L3MBTL4: variants seen among roughly 807,000 people sequenced by gnomAD.
L3MBTL4 encodes L3MBTL histone methyl-lysine binding protein 4, also known as lethal(3)malignant brain tumor-like protein 4.
L3MBTL4 carries 70 observed loss-of-function variants against 84.5 expected under a neutral mutation model. The observed-to-expected ratio is 0.83, with a 90% CI of 0.68 to 1.01. The LOEUF (loss-of-function observed/expected upper bound fraction) is 1.01. Ranked by LOEUF, L3MBTL4 falls within the 50% of genes least tolerant of loss-of-function variation. L3MBTL4 has a pLI of 0.00. For synonymous variants in L3MBTL4, 274 were observed against 259.8 expected (o/e 1.05, Z -0.52); for missense variants, 715 against 754.8 (o/e 0.95, Z 0.62).
chr18:6,136,645 G>A (rs1212253675), intron 14 of L3MBTL4, among the ~76,000 whole-genome samples: 1 of 152,102 alleles, frequency 6.6e-6, no homozygotes, highest in African/African-American at 2.4e-5. Context: ...CACCTACATA[G>A]AGTGTACCAA....
chr18:5,969,043 G>A (rs1477215397), intron 17 of L3MBTL4, among the ~76,000 whole-genome samples: 1 of 152,094 alleles, frequency 6.6e-6, no homozygotes, highest in African/African-American at 2.4e-5. Flanking sequence ...AGCCTCAGAT[G>A]CTTGCACATT....
At chr18:6,405,417 G>GCTC (rs970277768) in intron 1 of L3MBTL4, among the ~76,000 whole-genome samples, 59 of 152,368 alleles carry the variant, frequency 3.9e-4, no homozygotes, top group African/African-American at 1.2e-3. Flanking sequence ...TGCACAAACA[G>GCTC]CTCCTGATGT....
At chr18:6,395,027 C>T (rs1201562075) in intron 1 of L3MBTL4, 2 of 152,120 alleles carry the variant, frequency 1.3e-5, no homozygotes, top group Non-Finnish European at 2.9e-5. Flanking sequence ...TCCCCAATAT[C>T]TTGTTCCGTT....
chr18:6,146,523 C>G (rs570988466), intron 13 of L3MBTL4, among the ~76,000 whole-genome samples: 177 of 152,302 alleles, frequency 1.2e-3, no homozygotes, highest in African/African-American at 4.2e-3. Flanking sequence ...CTGGGTTTCG[C>G]AAAGTGCCAG....
At chr18:6,270,812 C>G (rs529072765) in intron 4 of L3MBTL4, among the ~76,000 whole-genome samples, 9 of 152,316 alleles carry the variant, frequency 5.9e-5, no homozygotes, top group African/African-American at 2.2e-4. Context: ...CAAAGTTGGC[C>G]TAGCAGGTTT....
rs751773794 is a variant in L3MBTL4, at chr18:6,093,445, T to C, written c.1283A>G (p.Asn428Ser). 35 of 1,613,986 alleles carry C rather than the reference T, an allele frequency of 2.2e-5. No individual in the cohort carries two copies. The East Asian group carries it at 7.6e-4, about 35-fold the overall frequency. Residue 428 changes from asparagine to serine, a missense_variant, in exon 15 of 19, where the codon AAT becomes AGT. Asn to Ser is a conservative substitution (Grantham distance 46). Transcript: ENST00000317931. ...TGAATGTGAAGAGTCTGATTCCAAATTTGCCTGTGTTTGTTCTCTCAAACG... is the reference window on the plus strand; with the variant it reads ...TGAATGTGAAGAGTCTGATTCCAAACTTGCCTGTGTTTGTTCTCTCAAACG... The part of the protein sequence containing the change: ...HDRLREQTQA[N>S]LESDSSHSKS...
intron 16 of L3MBTL4, among the ~76,000 whole-genome samples, chr18:5,989,962 T>C (rs2053617772): frequency 6.6e-6 from 1 of 152,162 alleles, no homozygotes; most frequent in Non-Finnish European, 1.5e-5. Flanking sequence ...CCTTATACTC[T>C]GGTTGGGGGC....
chr18:6,069,116 C>A (rs1024212345), intron 16 of L3MBTL4, among the ~76,000 whole-genome samples: 60 of 152,344 alleles, frequency 3.9e-4, no homozygotes, highest in African/African-American at 1.4e-3. Context: ...GATGGCAGGG[C>A]AGTTACATAC....
intron 16 of L3MBTL4, among the ~76,000 whole-genome samples, chr18:6,034,753 C>G (rs1322042336): frequency 6.6e-6 from 1 of 152,050 alleles, no homozygotes; most frequent in Non-Finnish European, 1.5e-5. Flanking sequence ...AACTAGTTTA[C>G]AGTCCCACCA....
At chr18:6,016,399 T>A (rs946222559) in intron 16 of L3MBTL4, among the ~76,000 whole-genome samples, 19 of 152,348 alleles carry the variant, frequency 1.2e-4, no homozygotes, top group Middle Eastern at 3.4e-3. Context: ...CTTTAATTTC[T>A]CTGAAAGCAA....
chr18:5,998,038 CA>C (rs2054056071), intron 16 of L3MBTL4, among the ~76,000 whole-genome samples: 1 of 152,176 alleles, frequency 6.6e-6, no homozygotes, highest in Non-Finnish European at 1.5e-5. Context: ...CTACCTACAA[CA>C]AACCAAACTA....
intron 1 of L3MBTL4, among the ~76,000 whole-genome samples, chr18:6,330,081 A>G (rs545869101): frequency 6.6e-6 from 1 of 152,310 alleles, no homozygotes; most frequent in African/African-American, 2.4e-5. Flanking sequence ...TATTTGAGTA[A>G]TTTCTAGCTT....
At chr18:6,006,168 C>T (rs901569796) in intron 16 of L3MBTL4, among the ~76,000 whole-genome samples, 2 of 152,144 alleles carry the variant, frequency 1.3e-5, no homozygotes, top group African/African-American at 4.8e-5. Flanking sequence ...CCCATTAGTG[C>T]TTCTGGAGGA....
At chr18:6,412,419 C>T (rs1203507626) in intron 1 of L3MBTL4, among the ~76,000 whole-genome samples, 2 of 152,090 alleles carry the variant, frequency 1.3e-5, no homozygotes, top group Non-Finnish European at 1.5e-5. Flanking sequence ...GACCCTCCTT[C>T]GGCTCTCTGG....
At chr18:6,263,863 G>T in intron 5 of L3MBTL4, 84 bp downstream of exon 5, 1 of 894,390 alleles carries the variant, frequency 1.1e-6, no homozygotes, top group Non-Finnish European at 1.9e-6. Flanking sequence ...TAAGTTGATG[G>T]GCTATCTAGG....
intron 17 of L3MBTL4, among the ~76,000 whole-genome samples, chr18:5,967,666 G>A (rs2052420407): frequency 6.6e-6 from 1 of 152,192 alleles, no homozygotes; most frequent in South Asian, 2.1e-4. Flanking sequence ...AGGCCAGAGT[G>A]CAGATGCCCT....
At chr18:6,019,446 T>A (rs1567990232) in intron 16 of L3MBTL4, among the ~76,000 whole-genome samples, 1 of 152,204 alleles carries the variant, frequency 6.6e-6, no homozygotes, top group Non-Finnish European at 1.5e-5. Flanking sequence ...CAGCTGAAGT[T>A]GTAATTTTAG....
chr18:6,261,275 G>C (rs944769347), intron 5 of L3MBTL4, among the ~76,000 whole-genome samples: 1 of 152,216 alleles, frequency 6.6e-6, no homozygotes, highest in Admixed American at 6.5e-5. Context: ...TCTTAAACAC[G>C]TGGGCAGCTT....
chr18:6,274,558 A>G (rs1347974776), intron 4 of L3MBTL4, among the ~76,000 whole-genome samples: 2 of 152,220 alleles, frequency 1.3e-5, no homozygotes, highest in Non-Finnish European at 2.9e-5. Flanking sequence ...TTAGAATTTC[A>G]GTCTTCAGTC....
Sources: allele counts gnomAD v4.1 joint callset (sites outside exome capture counted in the v4.1 genomes callset), GRCh38; gene constraint gnomAD v4.1.1; transcripts MANE v1.5; gene names NCBI Gene and HGNC (gene_info 2026-07-23, HGNC 2026-07-21).